CAB39: variants seen among roughly 807,000 people sequenced by gnomAD.
CAB39 encodes the protein calcium binding protein 39.
A neutral mutation model predicts 40.0 loss-of-function variants in CAB39; 8 were observed. The observed-to-expected ratio is 0.20, with a 90% CI of 0.12 to 0.36. The LOEUF (loss-of-function observed/expected upper bound fraction) is 0.36. CAB39 is among the 10% of genes least tolerant of loss of function. CAB39 has a pLI of 1.00. For synonymous variants in CAB39, 156 were observed against 141.6 expected, an observed-to-expected ratio of 1.10 and a Z score of -0.72; for missense variants, 270 against 401.1, an observed-to-expected ratio of 0.67 and a Z score of 2.79.
intron 1 of CAB39, among the ~76,000 whole-genome samples, chr2:230,749,742 A>T (rs569271372): frequency 2.0e-5 from 3 of 152,344 alleles, no homozygotes; most frequent in Non-Finnish European, 4.4e-5. Context: ...CTACTGTATT[A>T]AATAACTATT....
At chr2:230,815,612 G>A (rs1290394541) in intron 7 of CAB39, among the ~76,000 whole-genome samples, 2 of 152,296 alleles carry the variant, frequency 1.3e-5, no homozygotes, top group South Asian at 2.1e-4. Flanking sequence ...GCAGGGTGGA[G>A]GTTATTGGCA....
At chr2:230,784,898 C>T (rs1027804725) in intron 2 of CAB39, among the ~76,000 whole-genome samples, 6 of 152,204 alleles carry the variant, frequency 3.9e-5, no homozygotes, top group Non-Finnish European at 8.8e-5. Flanking sequence ...TGTCCAGTTT[C>T]CATTGGCTGG....
rs1188167256 is a variant in CAB39, at chr2:230,730,860, C to T, written c.-44+17630C>T. Among the ~76,000 whole-genome samples the T allele has an allele frequency of 1.4e-4, 21 of 152,082 alleles. 1 individual carries two copies. The highest frequency in any genetic ancestry group is 1.4e-3 in the Admixed American group (21 of 15,258). ...TGAAAAAAATTTGTGCGATGATGGC[C>T]GAAGTGTTGACATTTACCTCAGTAT... On this transcript the variant is annotated intron_variant, in intron 1 of 8. Coordinates refer to ENST00000258418, the MANE Select transcript of CAB39 (RefSeq NM_016289.4).
At chr2:230,761,507 T>A (rs552827206) in intron 2 of CAB39, among the ~76,000 whole-genome samples, 11 of 152,204 alleles carry the variant, frequency 7.2e-5, no homozygotes, top group Non-Finnish European at 1.0e-4. Context: ...TGTTGTAACC[T>A]CTTAGAATGT....
chr2:230,818,275 C>G (rs1696439100), intron 8 of CAB39: 1 of 502,400 alleles, frequency 2.0e-6, no homozygotes, highest in Non-Finnish European at 3.5e-6. Flanking sequence ...GTATTTAATA[C>G]TAAACACTGT....
At chr2:230,777,363 T>G (rs537998453) in intron 2 of CAB39, among the ~76,000 whole-genome samples, 82 of 122,650 alleles carry the variant, frequency 6.7e-4, no homozygotes, top group African/African-American at 2.5e-3. Flanking sequence ...GTTTTTTTTG[T>G]TTTTTTTTTT....
intron 2 of CAB39, among the ~76,000 whole-genome samples, chr2:230,786,920 G>C (rs1405282083): frequency 6.6e-6 from 1 of 152,160 alleles, no homozygotes; most frequent in South Asian, 2.1e-4. Context: ...TTTGCATATG[G>C]GATGATGAAC....
At chr2:230,787,117 G>T (rs2438296) in intron 2 of CAB39, among the ~76,000 whole-genome samples, 104,653 of 152,056 alleles carry the variant, frequency 0.69, 37,059 homozygotes, top group African/African-American at 0.86. Flanking sequence ...CCAAATAACT[G>T]CATTTTCTCA....
intron 1 of CAB39, among the ~76,000 whole-genome samples, chr2:230,719,836 TC>T (rs1694414841): frequency 6.6e-6 from 1 of 152,206 alleles, no homozygotes; most frequent in African/African-American, 2.4e-5. Flanking sequence ...TGCCTTTTTC[TC>T]CTGCACTGGT....
chr2:230,773,314 A>ATATGTGTGTGTGTGTGTGTG (rs371297550), intron 2 of CAB39, among the ~76,000 whole-genome samples: 24 of 132,680 alleles, frequency 1.8e-4, no homozygotes, highest in African/African-American at 6.5e-4. Flanking sequence ...ATATATATAT[A>ATATGTGTGTGTGTGTGTGTG]TGTGTGTGTG....
At chr2:230,752,591 A>G (rs958894406) in intron 1 of CAB39, among the ~76,000 whole-genome samples, 1 of 152,180 alleles carries the variant, frequency 6.6e-6, no homozygotes, top group Non-Finnish European at 1.5e-5. Context: ...AAAACCTCCC[A>G]TTAGTTTCCA....
Position 230,737,204 on chromosome 2 carries a change from A to G in CAB39, c.-43-22755A>G, listed in dbSNP as rs563080170. On this transcript the variant is annotated intron_variant, in intron 1 of 8. Transcript: ENST00000258418. ...CACTGAAACCCAATATGTAAAACTG[A>G]TAAGAGTGAGGTGTTTGGGCTGAAG... is the stretch of plus-strand genomic sequence containing the variant. Among the ~76,000 whole-genome samples the G allele has an allele frequency of 5.9e-5, 9 of 152,298 alleles. No individual in the cohort carries two copies. The East Asian group carries it at 1.5e-3, about 26-fold the overall frequency.
intron 2 of CAB39, among the ~76,000 whole-genome samples, chr2:230,761,184 A>G (rs1444939429): frequency 6.6e-6 from 1 of 152,166 alleles, no homozygotes; most frequent in Non-Finnish European, 1.5e-5. Context: ...GACTGAAGGT[A>G]ATTTTATACA....
intron 2 of CAB39, among the ~76,000 whole-genome samples, chr2:230,790,477 A>G (rs1013755262): frequency 6.6e-5 from 10 of 152,050 alleles, no homozygotes; most frequent in African/African-American, 2.2e-4. Flanking sequence ...TCCCTAGCTC[A>G]TGCCATTCCT....
chr2:230,761,932 G>C (rs1046783794), intron 2 of CAB39, among the ~76,000 whole-genome samples: 1 of 150,100 alleles, frequency 6.7e-6, no homozygotes, highest in Non-Finnish European at 1.5e-5. Context: ...TTTTGAGATG[G>C]AGTCTCGCTC....
At chr2:230,714,211 C>T (rs1442033193) in intron 1 of CAB39, among the ~76,000 whole-genome samples, 1 of 152,138 alleles carries the variant, frequency 6.6e-6, no homozygotes, top group African/African-American at 2.4e-5. Context: ...ATTTGAGCAG[C>T]ATTCTAAGAG....
chr2:230,751,634 C>T (rs539947191), intron 1 of CAB39, among the ~76,000 whole-genome samples: 2 of 152,112 alleles, frequency 1.3e-5, no homozygotes, highest in Non-Finnish European at 2.9e-5. Flanking sequence ...TTCTCTAGCA[C>T]TTTCTTGGGA....
chr2:230,776,754 G>T (rs137955283), intron 2 of CAB39, among the ~76,000 whole-genome samples: 39 of 151,092 alleles, frequency 2.6e-4, no homozygotes, highest in African/African-American at 9.3e-4. Flanking sequence ...GCGGTGGCAC[G>T]ATCTCGGCTC....
chr2:230,761,702 G>A (rs180865658), intron 2 of CAB39, among the ~76,000 whole-genome samples: 15 of 152,034 alleles, frequency 9.9e-5, no homozygotes, highest in Admixed American at 2.6e-4. Flanking sequence ...ATTATCTTTT[G>A]GTATGTGCTG....
Sources: gnomAD v4.1 joint callset for allele counts (sites outside exome capture counted in the v4.1 genomes callset) on GRCh38, gnomAD v4.1.1 for gene constraint, MANE v1.5 for transcripts, NCBI Gene and HGNC (gene_info 2026-07-23, HGNC 2026-07-21) for gene names.